The following SGSM1 variants were observed in gnomAD, a reference collection of about 807,000 sequenced individuals.
The protein encoded by SGSM1 is RUN and TBC1 domain containing 2.
SGSM1 carries 73 observed loss-of-function variants against 133.8 expected under a neutral mutation model. That is an observed-to-expected ratio of 0.55 (90% CI 0.45 to 0.66). The LOEUF (loss-of-function observed/expected upper bound fraction) is 0.66. SGSM1 is among the 30% of genes least tolerant of loss of function. The probability of loss-of-function intolerance (pLI) is 0.00; values close to 1 mark genes in which losing one functional copy is unlikely to be tolerated. For missense variants in SGSM1, 1,213 were observed against 1,448.1 expected (o/e 0.84, Z 2.64); for synonymous variants, 563 against 573.0 (o/e 0.98, Z 0.25).
At chr22:24,827,481 G>A (rs1377109040) in intron 2 of SGSM1, among the ~76,000 whole-genome samples, 6 of 152,074 alleles carry the variant, frequency 3.9e-5, no homozygotes, top group African/African-American at 1.2e-4. Context: ...GTGGAGGGAC[G>A]GGGCTGGGCT....
At chr22:24,879,374 T>C in intron 13 of SGSM1, 88 bp from the exon 14 acceptor site, 1 of 1,292,438 alleles carries the variant, frequency 7.7e-7, no homozygotes, top group South Asian at 1.3e-5. Context: ...TAATCTGCCC[T>C]CTAGAGATAG....
rs1208885592 is a variant in SGSM1 at position 24,906,273 on chromosome 22, C to T, written c.2818+1086C>T. Among the ~76,000 whole-genome samples the T allele has an allele frequency of 3.9e-5, 6 of 152,116 alleles. No homozygotes were observed. In the East Asian group the frequency reaches 1.2e-3, roughly 29 times the overall value. The stretch of plus-strand genomic sequence containing the variant: ...GAAGGAAACTAAACACGATAGAGGG[C>T]ATTTATGGAAACCTCACAAATATCA... On this transcript the variant is annotated intron_variant, in intron 21 of 24. Transcript: ENST00000400358.
At position 24,859,741 on chromosome 22, in the gene SGSM1, G is replaced by A; in HGVS notation, c.827G>A (p.Gly276Glu). ...AGGGACGACATGGAGGCTGTGCCAG[G>A]GTACCTGTCCCTGCACCAGACGGCT... ...QPRDDMEAVP[G>E]YLSLHQTADV... is the part of the protein sequence containing the mutation. Residue 276 changes from glycine (G) to glutamate (E), a missense_variant, in exon 9 of 25, where the codon GGG (glycine) becomes GAG (glutamate). Gly to Glu is a moderately conservative substitution (Grantham distance 98). Coordinates refer to ENST00000400358, the MANE Select transcript of SGSM1 (RefSeq NM_001098497.3). 6.2e-7 allele frequency: 1 copy of A among 1,613,926 alleles called. No homozygotes were observed. Among genetic ancestry groups the A allele is most frequent in the East Asian group, 2.2e-5 (1 of 44,890 alleles).
intron 2 of SGSM1, among the ~76,000 whole-genome samples, chr22:24,822,097 T>TC (rs1928511033): frequency 7.0e-6 from 1 of 142,652 alleles, no homozygotes; most frequent in South Asian, 2.4e-4. Flanking sequence ...TCTTTTTTTT[T>TC]TTTTTTTTTT....
rs71320790 is a variant in SGSM1 at position 24,822,088 on chromosome 22, C to CTTTTT, written c.63+15620_63+15624dup. ...CCATGCTCTACCTGTTCATCTCTCT[C>CTTTTT]TTTTTTTTTTTTTTTTTTTTGAGAC... is the stretch of plus-strand genomic sequence containing the variant. On this transcript the variant is annotated intron_variant, in intron 2 of 24. Transcript: ENST00000400358. Among the ~76,000 whole-genome samples the CTTTTT allele has an allele frequency of 5.2e-4, 50 of 96,112 alleles. 2 individuals are homozygous for CTTTTT. Among genetic ancestry groups the CTTTTT allele is most frequent in the African/African-American group, 1.1e-3 (29 of 26,166 alleles). 63.1% of individuals were successfully genotyped at this position (96,112 alleles called of 152,430 possible). A position where few individuals can be genotyped will look rare whatever the true frequency, so the allele number is the denominator to read the frequency against.
intron 2 of SGSM1, among the ~76,000 whole-genome samples, chr22:24,820,371 C>T (rs1928396426): frequency 6.6e-6 from 1 of 152,178 alleles, no homozygotes; most frequent in South Asian, 2.1e-4. Context: ...CTCACACTGT[C>T]ACAGGACAAT....
intron 9 of SGSM1, among the ~76,000 whole-genome samples, chr22:24,866,438 G>A (rs1456319732): frequency 6.6e-6 from 1 of 152,182 alleles, no homozygotes; most frequent in Non-Finnish European, 1.5e-5. Flanking sequence ...TAGGATGTGA[G>A]TTAGTCAAGA....
In SGSM1 at chr22:24,877,954, G is replaced by A. The variant is rs982930710; in HGVS notation, c.1430+1239G>A. ...GCCTCCCGAGTAGCTGGGACTACAG[G>A]CATGTGCCACCATTCCTGGCTAGTT... On this transcript the variant is annotated intron_variant, in intron 13 of 24. Transcript: ENST00000400358. Among the ~76,000 whole-genome samples, 3 of 151,844 alleles carry A rather than the reference G, an allele frequency of 2.0e-5. 1 individual carries two copies. In the South Asian group the frequency reaches 6.2e-4, roughly 32 times the overall value.
intron 5 of SGSM1, among the ~76,000 whole-genome samples, chr22:24,852,343 G>T (rs139674): frequency 0.074 from 11,192 of 152,124 alleles, 602 homozygotes; most frequent in African/African-American, 0.15. Context: ...TCACCATCAG[G>T]ATACAGAATT....
intron 2 of SGSM1, among the ~76,000 whole-genome samples, chr22:24,841,102 G>A (rs566722659): frequency 2.0e-3 from 296 of 151,198 alleles, no homozygotes; most frequent in Non-Finnish European, 3.4e-3. Context: ...CGCCCGCCTT[G>A]GCCTCCCAAA....
At chr22:24,847,826 A>G in intron 4 of SGSM1, 30 bp downstream of exon 4, 1 of 1,607,492 alleles carries the variant, frequency 6.2e-7, no homozygotes, top group Non-Finnish European at 8.5e-7. Flanking sequence ...CACAGGTGGG[A>G]GCAGCTCCCC....
chr22:24,879,606 T>G, intron 14 of SGSM1, 80 bp downstream of exon 14: 1 of 1,394,194 alleles, frequency 7.2e-7, no homozygotes, highest in Non-Finnish European at 9.9e-7. Context: ...TATCAAAAGA[T>G]ACTGGCTCTG....
chr22:24,883,506 G>A (rs1932445845), intron 14 of SGSM1, among the ~76,000 whole-genome samples: 3 of 152,198 alleles, frequency 2.0e-5, no homozygotes, highest in Admixed American at 1.3e-4. Context: ...GAGCAGAGAA[G>A]GGTGCCATCA....
At position 24,850,311 on chromosome 22, in the gene SGSM1, G is replaced by A. The variant is rs1319814886; in HGVS notation, c.334G>A (p.Val112Met). 12 of 1,610,358 alleles carry A rather than the reference G, an allele frequency of 7.5e-6. No homozygotes were observed. The highest frequency in any genetic ancestry group is 1.1e-5 in the South Asian group (1 of 90,372). ...RNQIQGLQENVRKLPKLPNLS... is the reference protein window; with the variant it reads ...RNQIQGLQENMRKLPKLPNLS... ...CCAGATTCAAGGCCTCCAGGAGAAT[G>A]TGCGGAAGCTGCCGAAGCTGCCCAA... Residue 112 changes from valine (V) to methionine (M), a missense_variant, in exon 5 of 25, where the codon GTG (valine) becomes ATG (methionine). Transcript: ENST00000400358.
At chr22:24,845,689 A>C (rs765800744) in intron 3 of SGSM1, among the ~76,000 whole-genome samples, 5 of 152,230 alleles carry the variant, frequency 3.3e-5, no homozygotes, top group Non-Finnish European at 5.9e-5. Flanking sequence ...AGAGCTGGCC[A>C]GCCCATCAGC....
intron 9 of SGSM1, among the ~76,000 whole-genome samples, chr22:24,864,332 T>C (rs1931330307): frequency 6.6e-6 from 1 of 152,144 alleles, no homozygotes; most frequent in Non-Finnish European, 1.5e-5. Context: ...CCAAGAGAAG[T>C]GAAAACTTAG....
rs754104497 is a variant in SGSM1, at chr22:24,874,609, G to C, written c.1292-1968G>C. 2.6e-6 allele frequency: 4 copies of C among 1,548,128 alleles called. No homozygotes were observed. The African/African-American group carries it at 5.5e-5, about 21-fold the overall frequency. ...TGTCTGGGATCTCCCCGTCCCCAGG[G>C]GCTGGGTGCCAGCCACCTCTGCCAT... On this transcript the variant is annotated intron_variant, in intron 12 of 24. Transcript: ENST00000400358.
intron 9 of SGSM1, among the ~76,000 whole-genome samples, chr22:24,863,892 C>T (rs1299801230): frequency 1.3e-5 from 2 of 149,714 alleles, no homozygotes; most frequent in Non-Finnish European, 2.9e-5. Context: ...CAGGCATGTG[C>T]CACCACGCCT....
chr22:24,860,922 A>AAAAAT (rs1555926666), intron 9 of SGSM1, among the ~76,000 whole-genome samples: 1 of 37,610 alleles, frequency 2.7e-5, no homozygotes, highest in African/African-American at 1.5e-4. Context: ...AAAAAAAAAA[A>AAAAAT]ATATATATAT....
Sources: gnomAD v4.1 joint callset for allele counts (sites outside exome capture counted in the v4.1 genomes callset) on GRCh38, gnomAD v4.1.1 for gene constraint, MANE v1.5 for transcripts, NCBI Gene and HGNC (gene_info 2026-07-23, HGNC 2026-07-21) for gene names.